The following ZNF385D variants were observed in gnomAD, a reference collection of about 807,000 sequenced individuals.
ZNF385D encodes the protein zinc finger protein 659.
ZNF385D carries 15 observed loss-of-function variants against 35.8 expected under a neutral mutation model. That is an observed-to-expected ratio of 0.42 (90% CI 0.28 to 0.64). The LOEUF (loss-of-function observed/expected upper bound fraction) is 0.64. Among genes scored for constraint, ZNF385D ranks in the 30% least tolerant of loss-of-function variants. The pLI is 0.23. For synonymous variants in ZNF385D, 212 were observed against 186.8 expected (o/e 1.13, Z -1.10); for missense variants, 474 against 494.6 (o/e 0.96, Z 0.39).
intron 4 of ZNF385D, among the ~76,000 whole-genome samples, chr3:21,445,943 C>A (rs544456242): frequency 2.6e-5 from 4 of 152,140 alleles, no homozygotes; most frequent in Non-Finnish European, 5.9e-5. Flanking sequence ...CTCAAAACAT[C>A]CCCCTATCAT....
intron 3 of ZNF385D, among the ~76,000 whole-genome samples, chr3:21,842,312 G>A (rs752846430): frequency 5.3e-5 from 8 of 151,962 alleles, no homozygotes; most frequent in Non-Finnish European, 7.4e-5. Flanking sequence ...TGCTATTAGG[G>A]TTTTGGGAGA....
chr3:21,867,266 A>T (rs1697416235), intron 3 of ZNF385D, among the ~76,000 whole-genome samples: 1 of 152,092 alleles, frequency 6.6e-6, no homozygotes, highest in African/African-American at 2.4e-5. Flanking sequence ...ATCTCCCATT[A>T]GGCCTCGTCT....
intron 3 of ZNF385D, chr3:21,878,062 T>C (rs1698075631): frequency 6.6e-6 from 1 of 152,046 alleles, no homozygotes; most frequent in Non-Finnish European, 1.5e-5. Context: ...TTTGACATCT[T>C]TGAAATTGAT....
chr3:22,238,182 G>C (rs774993026), intron 2 of ZNF385D, among the ~76,000 whole-genome samples: 12 of 151,076 alleles, frequency 7.9e-5, no homozygotes, highest in Non-Finnish European at 1.0e-4. Flanking sequence ...CCTTATGCCT[G>C]TACCACATTC....
At chr3:21,461,163 A>C (rs2125312563) in intron 4 of ZNF385D, among the ~76,000 whole-genome samples, 1 of 152,294 alleles carries the variant, frequency 6.6e-6, no homozygotes, top group African/African-American at 2.4e-5. Flanking sequence ...AATGAAAGAA[A>C]ACTCTCTGCC....
At chr3:21,602,174 T>C (rs2064313915) in intron 2 of ZNF385D, among the ~76,000 whole-genome samples, 1 of 152,084 alleles carries the variant, frequency 6.6e-6, no homozygotes, top group Admixed American at 6.5e-5. Context: ...ACTTATTCAC[T>C]ACCAGGAGAA....
intron 3 of ZNF385D, among the ~76,000 whole-genome samples, chr3:22,021,538 C>T (rs1027671766): frequency 2.3e-4 from 35 of 152,038 alleles, no homozygotes; most frequent in African/African-American, 8.4e-4. Context: ...GAGTAAGTTG[C>T]TTTAATTCGC....
At chr3:21,462,579 T>A (rs1489400999) in intron 4 of ZNF385D, among the ~76,000 whole-genome samples, 1 of 152,128 alleles carries the variant, frequency 6.6e-6, no homozygotes, top group Non-Finnish European at 1.5e-5. Context: ...GATAAAAACA[T>A]AAAGCAGGTT....
intron 4 of ZNF385D, among the ~76,000 whole-genome samples, chr3:21,489,693 A>T (rs1168067912): frequency 6.6e-6 from 1 of 152,052 alleles, no homozygotes. Flanking sequence ...TTCCAGCTAG[A>T]GGCATTCATT....
intron 3 of ZNF385D, among the ~76,000 whole-genome samples, chr3:21,918,036 C>G (rs971460588): frequency 1.3e-5 from 2 of 152,178 alleles, no homozygotes; most frequent in African/African-American, 2.4e-5. Flanking sequence ...GACTTTTGTG[C>G]TTTGACTTAG....
chr3:22,160,952 T>A (rs973525526), intron 3 of ZNF385D, among the ~76,000 whole-genome samples: 6 of 152,104 alleles, frequency 3.9e-5, no homozygotes, highest in Admixed American at 2.0e-4. Context: ...CTAAAAGTTA[T>A]GCCCCTTGTA....
chr3:22,146,136 A>G (rs1460186569), intron 3 of ZNF385D, among the ~76,000 whole-genome samples: 1 of 152,172 alleles, frequency 6.6e-6, no homozygotes, highest in Non-Finnish European at 1.5e-5. Context: ...CAAACATTCG[A>G]AGAAAGGATT....
intron 3 of ZNF385D, among the ~76,000 whole-genome samples, chr3:21,963,213 C>A (rs2125323046): frequency 2.0e-5 from 3 of 152,280 alleles, no homozygotes; most frequent in Middle Eastern, 3.4e-3. Flanking sequence ...TGGCAGCAGT[C>A]ATGTGGGAGA....
intron 1 of ZNF385D, among the ~76,000 whole-genome samples, chr3:21,720,263 T>C (rs1374993430): frequency 2.0e-5 from 3 of 152,198 alleles, no homozygotes; most frequent in Non-Finnish European, 4.4e-5. Context: ...GGAAACTTGT[T>C]AGAAATACAA....
chr3:21,752,957 G>A (rs986433093), upstream of ZNF385D, among the ~76,000 whole-genome samples: 2 of 152,102 alleles, frequency 1.3e-5, no homozygotes, highest in Non-Finnish European at 2.9e-5. Flanking sequence ...ATGTGCTAGG[G>A]GGCACTGTAG....
chr3:22,146,381 C>G (rs1704854039), intron 3 of ZNF385D, among the ~76,000 whole-genome samples: 1 of 152,172 alleles, frequency 6.6e-6, no homozygotes. Context: ...AACTGACAGA[C>G]TACAACAGTG....
intron 3 of ZNF385D, among the ~76,000 whole-genome samples, chr3:21,940,722 A>C (rs17010349): frequency 0.056 from 8,544 of 152,324 alleles, 347 homozygotes; most frequent in Non-Finnish European, 0.085. Flanking sequence ...CGAGGATAAA[A>C]GTAGGCTTGG....
chr3:22,024,280 G>C (rs568191245), intron 3 of ZNF385D, among the ~76,000 whole-genome samples: 41 of 152,114 alleles, frequency 2.7e-4, no homozygotes, highest in African/African-American at 7.7e-4. Context: ...TCTTGAGATC[G>C]TGTAAGTTAA....
chr3:21,457,180 G>A (rs553968111), intron 4 of ZNF385D, among the ~76,000 whole-genome samples: 13 of 152,210 alleles, frequency 8.5e-5, no homozygotes, highest in Non-Finnish European at 1.5e-4. Flanking sequence ...TGATGCTTGG[G>A]AAGAAAGAAT....
Sources: allele counts gnomAD v4.1 joint callset (sites outside exome capture counted in the v4.1 genomes callset), GRCh38; gene constraint gnomAD v4.1.1; transcripts MANE v1.5; gene names NCBI Gene and HGNC (gene_info 2026-07-23, HGNC 2026-07-21).